SP7: variants seen among roughly 807,000 people sequenced by gnomAD.
SP7 encodes Sp7 transcription factor, also known as transcription factor Sp7.
SP7 carries 13 observed loss-of-function variants against 27.9 expected under a neutral mutation model. That is an observed-to-expected ratio of 0.47 (90% CI 0.30 to 0.74). SP7 has a LOEUF of 0.74. Among genes scored for constraint, SP7 ranks in the 30% least tolerant of loss-of-function variants. SP7 has a pLI of 0.06. For missense variants in SP7, 525 were observed against 558.0 expected, an observed-to-expected ratio of 0.94 and a Z score of 0.60; for synonymous variants, 219 against 226.7, an observed-to-expected ratio of 0.97 and a Z score of 0.31.
rs1036381386 is a variant in SP7, at chr12:53,327,146, A to G, written c.*1000T>C. ...AGTGGAGGAACCTGCTCTGCAGTCA[A>G]GGGAGATGGGGTACATTCCAGTCCT... is the stretch of plus-strand genomic sequence containing the variant. On this transcript the variant is annotated 3_prime_UTR_variant, in exon 3 of 3. Coordinates refer to ENST00000536324, the MANE Select transcript of SP7 (RefSeq NM_001173467.3). The G allele has an allele frequency of 6.5e-6, 1 of 152,692 alleles. No individual in the cohort carries two copies. Among genetic ancestry groups the G allele is most frequent in the East Asian group, 1.9e-4 (1 of 5,192 alleles). 9.5% of individuals were successfully genotyped at this position (152,692 alleles called of 1,614,324 possible).
intron 2 of SP7, among the ~76,000 whole-genome samples, chr12:53,330,730 A>G (rs1297882569): frequency 6.6e-6 from 1 of 152,174 alleles, no homozygotes; most frequent in Non-Finnish European, 1.5e-5. Flanking sequence ...TCCCAGCTTC[A>G]TCCCATACCC....
At chr12:53,330,624 T>C (rs535993234) in intron 2 of SP7, among the ~76,000 whole-genome samples, 2 of 152,174 alleles carry the variant, frequency 1.3e-5, no homozygotes, top group Admixed American at 1.3e-4. Flanking sequence ...ATCGAGGCCA[T>C]GGGCAGGGCC....
At position 53,328,357 on chromosome 12, in the gene SP7, C is replaced by T. The variant is rs200422616; in HGVS notation, c.1085G>A (p.Arg362His). 310 of 1,612,734 alleles carry T rather than the reference C, an allele frequency of 1.9e-4. No individual in the cohort carries two copies. The highest frequency in any genetic ancestry group is 2.4e-4 in the Non-Finnish European group (279 of 1,179,014). Residue 362 changes from arginine (R) to histidine (H), a missense_variant, in exon 3 of 3, where the codon CGC becomes CAC. Transcript: ENST00000536324. The surrounding 1 kb of genome is among the most constrained non-coding windows in gnomAD (Gnocchi z 5.1). ...GCTCAGGTGGTCGCTTCGGGTAAAGCGCTTGGAGCAGAGCAGGCAGGTGAA... is the reference window on the plus strand; with the variant it reads ...GCTCAGGTGGTCGCTTCGGGTAAAGTGCTTGGAGCAGAGCAGGCAGGTGAA... ...KKFTCLLCSK[R>H]FTRSDHLSKH...
At chr12:53,334,723 G>T (rs566622627) in intron 2 of SP7, among the ~76,000 whole-genome samples, 1 of 152,306 alleles carries the variant, frequency 6.6e-6, no homozygotes, top group East Asian at 1.9e-4. Flanking sequence ...GCCCTGAGTG[G>T]CTGTGAGCCC....
At chr12:53,334,950 G>T (rs138065350) in intron 2 of SP7, among the ~76,000 whole-genome samples, 2,868 of 152,330 alleles carry the variant, frequency 0.019, 38 homozygotes, top group Middle Eastern at 0.044. Flanking sequence ...TTGGCTGAAA[G>T]CTAAATATTT....
chr12:53,343,298 AAC>A (rs1301982742), intron 1 of SP7, among the ~76,000 whole-genome samples: 1 of 152,216 alleles, frequency 6.6e-6, no homozygotes, highest in South Asian at 2.1e-4. Context: ...GTGTGAGTGC[AAC>A]ACAGAGTGGA....
At chr12:53,335,867 G>A in intron 1 of SP7, 174 bp from the exon 2 acceptor site, 2 of 1,376,482 alleles carry the variant, frequency 1.5e-6, no homozygotes, top group Non-Finnish European at 1.9e-6. Flanking sequence ...CAGATCCAAT[G>A]AGGAGGGCGA....
upstream of SP7, among the ~76,000 whole-genome samples, chr12:53,338,634 C>A (rs114546533): frequency 6.6e-6 from 1 of 152,014 alleles, no homozygotes; most frequent in Non-Finnish European, 1.5e-5. Context: ...TAACCCTACC[C>A]GGGAAGGGGC....
rs762833384 is a variant in SP7 at position 53,328,400 on chromosome 12, G to A, written c.1042C>T (p.His348Tyr). The part of the protein sequence containing the change: ...SDELERHVRT[H>Y]TREKKFTCLL... Reference sequence around the variant, plus strand: ...CAGGTGAACTTCTTCTCCCGGGTGTGAGTGCGCACATGACGCTCCAGCTCA... The same window carrying A: ...CAGGTGAACTTCTTCTCCCGGGTGTAAGTGCGCACATGACGCTCCAGCTCA... Residue 348 changes from histidine to tyrosine, a missense_variant, in exon 3 of 3, where the codon CAC becomes TAC. Coordinates refer to ENST00000536324, the MANE Select transcript of SP7 (RefSeq NM_001173467.3). This position sits in a 1 kb window ranked among gnomAD's most constrained non-coding sequence, Gnocchi z 5.1. 2.5e-6 allele frequency: 4 copies of A among 1,613,934 alleles called. 1 individual carries two copies. In the South Asian group the frequency reaches 4.4e-5, roughly 18 times the overall value.
chr12:53,329,719 A>C lies in SP7; in HGVS notation c.22-299T>G, dbSNP rs537795442. 2.6e-5 allele frequency among the ~76,000 whole-genome samples: 4 copies of C among 152,128 alleles called. No homozygotes were observed. The East Asian group carries it at 7.7e-4, about 29-fold the overall frequency. ...GCTAGGGGTGTACTAGGGGCCTCCAAGGAACAGGAGGTTCTTTTTCTTTTT... is the reference window on the plus strand; with the variant it reads ...GCTAGGGGTGTACTAGGGGCCTCCACGGAACAGGAGGTTCTTTTTCTTTTT... On this transcript the variant is annotated intron_variant, in intron 2 of 2. Coordinates refer to ENST00000536324, the MANE Select transcript of SP7 (RefSeq NM_001173467.3).
chr12:53,328,185 A>T lies in SP7; in HGVS notation c.1257T>A (p.Pro419=), dbSNP rs2136833125. ...SASPATPEKA[P]GGSPEQSNLL... is the part of the protein sequence containing the mutation. ...AGTTGCTCTGCTCAGGGCTGCCTCC[A>T]GGGGCTTTCTCTGGGGTTGCTGGCG... The change falls in exon 3 of 3, where the codon CCT becomes CCA. Residue 419 remains proline (P), a synonymous_variant. Transcript: ENST00000536324. This position sits in a 1 kb window ranked among gnomAD's most constrained non-coding sequence, Gnocchi z 5.1. 1 of 1,613,046 alleles carries T rather than the reference A, an allele frequency of 6.2e-7. No individual in the cohort carries two copies. The highest frequency in any genetic ancestry group is 2.2e-5 in the East Asian group (1 of 44,870).
At chr12:53,339,948 A>G (rs1944808035), upstream of SP7, among the ~76,000 whole-genome samples, 3 of 152,122 alleles carry the variant, frequency 2.0e-5, no homozygotes, top group South Asian at 6.2e-4. Flanking sequence ...AATAGTGAGC[A>G]GAGCCCCTGA....
chr12:53,339,949 G>A (rs1159216630), upstream of SP7, among the ~76,000 whole-genome samples: 1 of 152,062 alleles, frequency 6.6e-6, no homozygotes, highest in African/African-American at 2.4e-5. Flanking sequence ...ATAGTGAGCA[G>A]AGCCCCTGAA....
chr12:53,329,516 A>G (rs1354568917), intron 2 of SP7, 96 bp from the exon 3 acceptor site: 1 of 1,043,752 alleles, frequency 9.6e-7, no homozygotes, highest in African/African-American at 1.6e-5. Context: ...CATCCACAAC[A>G]GAACAGAGGG....
At chr12:53,336,882 G>C (rs1046446623), upstream of SP7, among the ~76,000 whole-genome samples, 12 of 152,088 alleles carry the variant, frequency 7.9e-5, no homozygotes, top group Non-Finnish European at 1.0e-4. Flanking sequence ...GAAGAGTTGG[G>C]GAAGGCTTGG....
Position 53,328,119 on chromosome 12 carries a change from C to T in SP7, c.*27G>A, listed in dbSNP as rs759763357. ...AGCCAAGAGAGACTGTCAGGGCAGC[C>T]CTGGGGTGGGAGACCTTCCACCCGG... On this transcript the variant is annotated 3_prime_UTR_variant, in exon 3 of 3. Coordinates refer to ENST00000536324, the MANE Select transcript of SP7 (RefSeq NM_001173467.3). This position sits in a 1 kb window ranked among gnomAD's most constrained non-coding sequence, Gnocchi z 5.1. The T allele has an allele frequency of 1.9e-6, 3 of 1,574,242 alleles. No individual in the cohort carries two copies. Among genetic ancestry groups the T allele is most frequent in the Non-Finnish European group, 2.6e-6 (3 of 1,161,480 alleles).
Position 53,328,033 on chromosome 12 carries a change from A to G in SP7, c.*113T>C. 1 of 1,117,838 alleles carries G rather than the reference A, an allele frequency of 8.9e-7. No homozygotes were observed. The highest frequency in any genetic ancestry group is 1.2e-6 in the Non-Finnish European group (1 of 806,298). 69.2% of individuals were successfully genotyped at this position (1,117,838 alleles called of 1,614,324 possible). A position where few individuals can be genotyped will look rare whatever the true frequency, so the allele number is the denominator to read the frequency against. On this transcript the variant is annotated 3_prime_UTR_variant, in exon 3 of 3. Coordinates refer to ENST00000536324, the MANE Select transcript of SP7 (RefSeq NM_001173467.3). This position sits in a 1 kb window ranked among gnomAD's most constrained non-coding sequence, Gnocchi z 5.1. ...ATGGCCAGGAGGGAGACAGAGGGAG[A>G]GAGCCCCGAAGGATGGCATGCATGG... is the stretch of plus-strand genomic sequence containing the variant.
In SP7 at chr12:53,328,374, G is replaced by A. The variant is rs779322859; in HGVS notation, c.1068C>T (p.Cys356=). ...GGGTAAAGCGCTTGGAGCAGAGCAG[G>A]CAGGTGAACTTCTTCTCCCGGGTGT... The part of the protein sequence containing the change: ...RTHTREKKFT[C]LLCSKRFTRS... Residue 356 remains cysteine, a synonymous_variant, in exon 3 of 3, where the codon TGC becomes TGT. Transcript: ENST00000536324. This position sits in a 1 kb window ranked among gnomAD's most constrained non-coding sequence, Gnocchi z 5.1. 6.2e-7 allele frequency: 1 copy of A among 1,613,610 alleles called. No individual in the cohort carries two copies. The highest frequency in any genetic ancestry group is 8.5e-7 in the Non-Finnish European group (1 of 1,179,594).
Position 53,326,779 on chromosome 12 carries a change from A to G in SP7, c.*1367T>C, listed in dbSNP as rs1370557060. On this transcript the variant is annotated 3_prime_UTR_variant, in exon 3 of 3. Transcript: ENST00000536324. ...GCTTTAAAAGTCACTGGAGGTGGAG[A>G]TGGGAGCATCCAAAGTCCCAGGGTG... The G allele has an allele frequency of 6.6e-6, 1 of 152,520 alleles. No individual in the cohort carries two copies. Among genetic ancestry groups the G allele is most frequent in the African/African-American group, 2.4e-5 (1 of 41,432 alleles). 9.4% of individuals were successfully genotyped at this position (152,520 alleles called of 1,614,324 possible). A position where few individuals can be genotyped will look rare whatever the true frequency, so the allele number is the denominator to read the frequency against.
Sources: gnomAD v4.1 joint callset for allele counts (sites outside exome capture counted in the v4.1 genomes callset) on GRCh38, gnomAD v4.1.1 for gene constraint, Gnocchi (gnomAD v3.1) non-coding constraint, MANE v1.5 for transcripts, NCBI Gene and HGNC (gene_info 2026-07-23, HGNC 2026-07-21) for gene names.